The following RRM2B variants were observed in gnomAD, a reference collection of about 807,000 sequenced individuals.
The protein encoded by RRM2B is ribonucleoside-diphosphate reductase subunit M2 B.
Under a neutral mutation model 45.9 loss-of-function variants are expected in RRM2B, and 20 were observed. The ratio of observed to expected loss-of-function variants is 0.44; its 90% CI spans 0.31 to 0.63. The LOEUF is 0.63. Among genes scored for constraint, RRM2B ranks in the 30% least tolerant of loss-of-function variants. The pLI is 0.09. For synonymous variants in RRM2B, 124 were observed against 132.3 expected, an observed-to-expected ratio of 0.94 and a Z score of 0.43; for missense variants, 320 against 414.7, an observed-to-expected ratio of 0.77 and a Z score of 1.98.
intron 1 of RRM2B, among the ~76,000 whole-genome samples, chr8:102,233,716 C>T (rs1389018607): frequency 6.6e-6 from 1 of 152,166 alleles, no homozygotes; most frequent in East Asian, 1.9e-4. Flanking sequence ...CTCTAATTTC[C>T]TGTGCTTCTT....
Position 102,224,868 on chromosome 8 carries a change from T to TA in RRM2B, c.455+16dup. ...CAAGCCGTAAGCAATATTTTGTAAATAAAATCCCAACAATACCTTTTCTTG... is the reference window on the plus strand; with the variant it reads ...CAAGCCGTAAGCAATATTTTGTAAATAAAAATCCCAACAATACCTTTTCTTG... On this transcript the variant is annotated intron_variant, in intron 4 of 8. Transcript: ENST00000251810. The TA allele has an allele frequency of 1.2e-6, 2 of 1,612,166 alleles. No homozygotes were observed. Among genetic ancestry groups the TA allele is most frequent in the Non-Finnish European group, 1.7e-6 (2 of 1,178,352 alleles).
chr8:102,218,163 G>C (rs28928596), intron 6 of RRM2B, among the ~76,000 whole-genome samples: 1 of 152,136 alleles, frequency 6.6e-6, no homozygotes, highest in Non-Finnish European at 1.5e-5. Context: ...TGGGACAAAG[G>C]GTAGGTTTTC....
intron 6 of RRM2B, among the ~76,000 whole-genome samples, chr8:102,216,435 A>G (rs998843893): frequency 6.6e-6 from 1 of 152,154 alleles, no homozygotes; most frequent in African/African-American, 2.4e-5. Flanking sequence ...AAAGCAAAGG[A>G]TAAATTGGGA....
chr8:102,225,294 C>T (rs1207601123), intron 3 of RRM2B, among the ~76,000 whole-genome samples: 9 of 134,404 alleles, frequency 6.7e-5, no homozygotes, highest in Non-Finnish European at 9.1e-5. Context: ...AGTACAGTGG[C>T]GCCATCTTGG....
intron 2 of RRM2B, among the ~76,000 whole-genome samples, chr8:102,226,854 C>T (rs1207673976): frequency 6.6e-6 from 1 of 152,186 alleles, no homozygotes; most frequent in African/African-American, 2.4e-5. Flanking sequence ...GCTGGGACTA[C>T]AGGCAGGCGC....
chr8:102,208,412 A>C, intron 8 of RRM2B, 127 bp from the exon 9 acceptor site: 5 of 736,988 alleles, frequency 6.8e-6, no homozygotes, highest in East Asian at 2.5e-5. Flanking sequence ...AGATCATATC[A>C]TTCCCCTAAG....
chr8:102,217,355 TTTTA>T (rs1169325309), intron 6 of RRM2B, among the ~76,000 whole-genome samples: 2 of 152,152 alleles, frequency 1.3e-5, no homozygotes, highest in South Asian at 2.1e-4. Context: ...GAGATTAATT[TTTTA>T]TTCTCTCAAT....
chr8:102,220,126 C>T (rs1302619455), intron 5 of RRM2B, among the ~76,000 whole-genome samples: 1 of 152,114 alleles, frequency 6.6e-6, no homozygotes, highest in African/African-American at 2.4e-5. Context: ...GTAGTCACAG[C>T]TACCTGGGAG....
In RRM2B at chr8:102,204,871, C is replaced by T. The variant is rs1196558992; in HGVS notation, c.*3262G>A. Reference sequence around the variant, plus strand: ...TTTAACTGTACAAAAAGCAATCATTCTCTCCAGCCTTCCATCTTCACTTAC... The same window carrying T: ...TTTAACTGTACAAAAAGCAATCATTTTCTCCAGCCTTCCATCTTCACTTAC... On this transcript the variant is annotated 3_prime_UTR_variant, in exon 9 of 9. Transcript: ENST00000251810. 4 of 152,188 alleles carry T rather than the reference C, an allele frequency of 2.6e-5. No homozygotes were observed. Among genetic ancestry groups the T allele is most frequent in the Non-Finnish European group, 5.9e-5 (4 of 68,024 alleles). The allele number at this position is 152,188 out of a possible 1,614,324, so 9.4% of individuals were successfully genotyped here. A position where few individuals can be genotyped will look rare whatever the true frequency, so the allele number is the denominator to read the frequency against.
chr8:102,218,681 G>T, intron 6 of RRM2B, 133 bp downstream of exon 6: 1 of 716,656 alleles, frequency 1.4e-6, no homozygotes. Context: ...AGCCATGATC[G>T]TGCCACTGTA....
chr8:102,219,897 T>A (rs1316228299), intron 5 of RRM2B, among the ~76,000 whole-genome samples: 1 of 152,188 alleles, frequency 6.6e-6, no homozygotes, highest in African/African-American at 2.4e-5. Flanking sequence ...AGTCCTGAAC[T>A]GACTCAATGG....
intron 5 of RRM2B, among the ~76,000 whole-genome samples, chr8:102,219,849 G>C (rs1810798046): frequency 6.6e-6 from 1 of 152,186 alleles, no homozygotes; most frequent in Non-Finnish European, 1.5e-5. Context: ...CTCAGTACAT[G>C]TCACAGGACC....
At position 102,205,767 on chromosome 8, in the gene RRM2B, A is replaced by G. The variant is rs1473681428; in HGVS notation, c.*2366T>C. 1.3e-5 allele frequency: 2 copies of G among 152,138 alleles called. No homozygotes were observed. Among genetic ancestry groups the G allele is most frequent in the East Asian group, 3.8e-4 (2 of 5,206 alleles). The allele number at this position is 152,138 out of a possible 1,614,324, so 9.4% of individuals were successfully genotyped here. A position where few individuals can be genotyped will look rare whatever the true frequency, so the allele number is the denominator to read the frequency against. On this transcript the variant is annotated 3_prime_UTR_variant, in exon 9 of 9. Transcript: ENST00000251810. ...AGATTACACAACTTCTTGATTCTTT[A>G]AGAACTAAGAACCAAAGTATTGAAC...
At chr8:102,215,045 T>TAAAAAAAAAAAAA (rs3063793) in intron 6 of RRM2B, among the ~76,000 whole-genome samples, 15 of 61,736 alleles carry the variant, frequency 2.4e-4, no homozygotes, top group East Asian at 1.4e-3. Flanking sequence ...AGCTAAATAT[T>TAAAAAAAAAAAAA]AAAAAAAAAA....
At chr8:102,212,223 A>G (rs570918034) in intron 8 of RRM2B, among the ~76,000 whole-genome samples, 1 of 152,344 alleles carries the variant, frequency 6.6e-6, no homozygotes, top group South Asian at 2.1e-4. Flanking sequence ...CAAAGGTCAC[A>G]CAGCTAGAAA....
intron 5 of RRM2B, among the ~76,000 whole-genome samples, chr8:102,222,068 A>T (rs1810846436): frequency 6.6e-6 from 1 of 150,950 alleles, no homozygotes; most frequent in Admixed American, 6.7e-5. Flanking sequence ...TGATTTTCTC[A>T]TTCCTATTTA....
intron 5 of RRM2B, among the ~76,000 whole-genome samples, chr8:102,222,528 T>C (rs1810854154): frequency 6.6e-6 from 1 of 152,218 alleles, no homozygotes; most frequent in Admixed American, 6.5e-5. Flanking sequence ...CCAGGAGACC[T>C]GTGAGGTCAA....
rs761460397 is a variant in RRM2B, at chr8:102,212,771, A to G, written c.903+5T>C. ...CTAGTAGTAACACATTTTTAAACACATTACCTTTGAGAATCCAAGTTCCAC... is the reference window on the plus strand; with the variant it reads ...CTAGTAGTAACACATTTTTAAACACGTTACCTTTGAGAATCCAAGTTCCAC... On this transcript the variant is annotated splice_donor_5th_base_variant and intron_variant, in intron 8 of 8. Transcript: ENST00000251810. 1 of 1,484,764 alleles carries G rather than the reference A, an allele frequency of 6.7e-7. No homozygotes were observed. The highest frequency in any genetic ancestry group is 1.1e-5 in the South Asian group (1 of 88,410). 92.0% of individuals were successfully genotyped at this position (1,484,764 alleles called of 1,614,324 possible). A position where few individuals can be genotyped will look rare whatever the true frequency, so the allele number is the denominator to read the frequency against.
chr8:102,238,791 C>T, intron 1 of RRM2B, 36 bp downstream of exon 1: 1 of 1,613,768 alleles, frequency 6.2e-7, no homozygotes, highest in Non-Finnish European at 8.5e-7. Context: ...GCTGGCGTGA[C>T]TGCGGTGAGG....
Sources: gnomAD v4.1 joint callset for allele counts (sites outside exome capture counted in the v4.1 genomes callset) on GRCh38, gnomAD v4.1.1 for gene constraint, MANE v1.5 for transcripts, NCBI Gene and HGNC (gene_info 2026-07-23, HGNC 2026-07-21) for gene names.